Variants in GRM8 observed in about 807,000 individuals in gnomAD.
GRM8 encodes the protein glutamate metabotropic receptor 8.
In GRM8, 47 loss-of-function variants were observed where a neutral mutation model predicts 87.2. The observed-to-expected ratio is 0.54, with a 90% confidence interval of 0.43 to 0.69. GRM8 has a LOEUF of 0.69. GRM8 is among the 30% of genes least tolerant of loss of function. The probability of loss-of-function intolerance (pLI) is 0.00; values close to 1 mark genes in which losing one functional copy is unlikely to be tolerated. For synonymous variants in GRM8, 396 were observed against 404.5 expected (o/e 0.98, Z 0.25); for missense variants, 1,019 against 1,139.2 (o/e 0.89, Z 1.52).
intron 3 of GRM8, among the ~76,000 whole-genome samples, chr7:127,080,163 G>A (rs1822706901): frequency 1.3e-5 from 2 of 152,136 alleles, no homozygotes; most frequent in South Asian, 4.1e-4. Flanking sequence ...GAAGGGGGAG[G>A]CAGAGGAGTC....
intron 2 of GRM8, among the ~76,000 whole-genome samples, chr7:127,237,461 G>T (rs1798042415): frequency 6.6e-6 from 1 of 152,238 alleles, no homozygotes; most frequent in African/African-American, 2.4e-5. Flanking sequence ...CTTTATAGAA[G>T]TGGTTGCTAC....
At chr7:126,906,205 G>C (rs1391405570) in intron 3 of GRM8, among the ~76,000 whole-genome samples, 2 of 152,178 alleles carry the variant, frequency 1.3e-5, no homozygotes, top group Non-Finnish European at 2.9e-5. Flanking sequence ...GAACCAGGAA[G>C]AGGGCCCTCA....
chr7:126,851,202 G>T (rs1797180072), intron 6 of GRM8, among the ~76,000 whole-genome samples: 1 of 151,896 alleles, frequency 6.6e-6, no homozygotes, highest in Non-Finnish European at 1.5e-5. Context: ...TCTGATATTT[G>T]GCAAATCCTG....
chr7:127,033,849 T>G (rs922889185), intron 3 of GRM8, among the ~76,000 whole-genome samples: 1 of 152,222 alleles, frequency 6.6e-6, no homozygotes, highest in African/African-American at 2.4e-5. Flanking sequence ...TAAAATCACA[T>G]GTGTAAACAC....
At chr7:127,117,060 T>C (rs1826738530) in intron 2 of GRM8, among the ~76,000 whole-genome samples, 1 of 152,090 alleles carries the variant, frequency 6.6e-6, no homozygotes, top group South Asian at 2.1e-4. Flanking sequence ...AAGAAGCAAC[T>C]TTAAGTCAAG....
At chr7:126,670,577 A>G (rs1806267885) in intron 7 of GRM8, among the ~76,000 whole-genome samples, 1 of 152,342 alleles carries the variant, frequency 6.6e-6, no homozygotes, top group Admixed American at 6.5e-5. Flanking sequence ...ATCCTTTCAA[A>G]AGATGGTTTA....
chr7:126,926,829 C>T (rs546342459), intron 3 of GRM8, among the ~76,000 whole-genome samples: 1 of 152,326 alleles, frequency 6.6e-6, no homozygotes, highest in Non-Finnish European at 1.5e-5. Flanking sequence ...CTTGTCTTCC[C>T]AGCATTGGTT....
At chr7:126,997,498 TG>T (rs1305020813) in intron 3 of GRM8, among the ~76,000 whole-genome samples, 3 of 150,180 alleles carry the variant, frequency 2.0e-5, no homozygotes, top group South Asian at 4.2e-4. Flanking sequence ...ACCAGAAGTT[TG>T]TTTTTTTTAA....
intron 7 of GRM8, among the ~76,000 whole-genome samples, chr7:126,686,843 G>A (rs1808245118): frequency 6.6e-6 from 1 of 152,208 alleles, no homozygotes; most frequent in South Asian, 2.1e-4. Flanking sequence ...CTTCCAGCCA[G>A]AAAAGCGACA....
chr7:127,072,662 A>G (rs1821829856), intron 3 of GRM8, among the ~76,000 whole-genome samples: 1 of 150,506 alleles, frequency 6.6e-6, no homozygotes, highest in Non-Finnish European at 1.5e-5. Flanking sequence ...CATCTGGCTC[A>G]ACACACAAAT....
intron 3 of GRM8, among the ~76,000 whole-genome samples, chr7:127,050,660 T>C (rs1697914134): frequency 6.6e-6 from 1 of 152,162 alleles, no homozygotes; most frequent in Non-Finnish European, 1.5e-5. Context: ...TGAACTTCAA[T>C]AGACACACAC....
chr7:126,661,291 TATATACCTACA>T (rs66711162), intron 7 of GRM8, among the ~76,000 whole-genome samples: 3,419 of 152,286 alleles, frequency 0.022, 140 homozygotes, highest in African/African-American at 0.078. Context: ...CCCATAAGTA[TATATACCTACA>T]ATATACCTAC....
chr7:126,688,519 G>C (rs1380533199), intron 7 of GRM8, among the ~76,000 whole-genome samples: 1 of 152,124 alleles, frequency 6.6e-6, no homozygotes, highest in African/African-American at 2.4e-5. Flanking sequence ...ATTCCCAGTG[G>C]TTTATAAAAA....
chr7:126,720,810 G>A (rs1041942089), intron 7 of GRM8, among the ~76,000 whole-genome samples: 36 of 152,110 alleles, frequency 2.4e-4, no homozygotes, highest in Admixed American at 2.3e-3. Context: ...ACAGGAAAAT[G>A]AGAAAAAAGT....
At chr7:127,077,720 T>C (rs1822433193) in intron 3 of GRM8, among the ~76,000 whole-genome samples, 1 of 152,220 alleles carries the variant, frequency 6.6e-6, no homozygotes, top group East Asian at 1.9e-4. Flanking sequence ...ACCCCCTTGG[T>C]AACTCAAGTT....
chr7:126,815,024 T>G (rs1425153942), intron 6 of GRM8, among the ~76,000 whole-genome samples: 3 of 152,134 alleles, frequency 2.0e-5, no homozygotes, highest in Non-Finnish European at 2.9e-5. Flanking sequence ...TCTATATAAT[T>G]CTAAATTTGA....
chr7:127,138,723 C>A (rs993951629), intron 2 of GRM8, among the ~76,000 whole-genome samples: 1 of 151,948 alleles, frequency 6.6e-6, no homozygotes, highest in East Asian at 1.9e-4. Context: ...TAAGGAAAAA[C>A]CCAAAGAAAA....
chr7:126,867,625 C>T (rs866459620), intron 6 of GRM8, among the ~76,000 whole-genome samples: 27 of 152,062 alleles, frequency 1.8e-4, no homozygotes, highest in Middle Eastern at 3.4e-3. Flanking sequence ...AGAGAGAAAA[C>T]GATCCTATCA....
chr7:127,198,396 T>G (rs1795405460), intron 2 of GRM8, among the ~76,000 whole-genome samples: 1 of 152,192 alleles, frequency 6.6e-6, no homozygotes, highest in Non-Finnish European at 1.5e-5. Flanking sequence ...CTTAGTCAAG[T>G]TACTGAACTC....
Sources: allele counts gnomAD v4.1 joint callset (sites outside exome capture counted in the v4.1 genomes callset), GRCh38; gene constraint gnomAD v4.1.1; transcripts MANE v1.5; gene names NCBI Gene and HGNC (gene_info 2026-07-23, HGNC 2026-07-21).